SELENOS: variants seen among roughly 807,000 people sequenced by gnomAD.
SELENOS encodes selenoprotein S.
A neutral mutation model predicts 30.2 loss-of-function variants in SELENOS; 37 were observed. The observed-to-expected ratio is 1.23, with a 90% CI of 0.94 to 1.61. The LOEUF is 1.61. SELENOS is among the 40% of genes most tolerant of loss of function. The pLI is 0.00. For missense variants in SELENOS, 289 were observed against 231.8 expected, an observed-to-expected ratio of 1.25 and a Z score of -1.60; for synonymous variants, 119 against 91.6, an observed-to-expected ratio of 1.30 and a Z score of -1.71.
intron 3 of SELENOS, 60 bp from the exon 4 acceptor site, chr15:101,274,741 A>T: frequency 6.8e-7 from 1 of 1,475,910 alleles, no homozygotes; most frequent in Non-Finnish European, 9.2e-7. Flanking sequence ...CTCAAAGACA[A>T]AGCTAACTCT....
At chr15:101,276,449 T>C in intron 2 of SELENOS, 92 bp downstream of exon 2, 3 of 1,389,782 alleles carry the variant, frequency 2.2e-6, no homozygotes, top group Non-Finnish European at 1.9e-6. Flanking sequence ...AGGGTCTTCC[T>C]GTGTGGCCCC....
intron 5 of SELENOS, 149 bp from the exon 6 acceptor site, chr15:101,273,005 T>G: frequency 1.6e-6 from 1 of 620,000 alleles, no homozygotes. Context: ...CTTTTAGCTA[T>G]GTGAAAAAAA....
rs1343586914 is a variant in SELENOS at position 101,272,340 on chromosome 15, A to G, written c.*431T>C. ...ACATAAAAATAAATATACAGAAACA[A>G]ACCCCATCAACTGTCCACATCAGTA... On this transcript the variant is annotated 3_prime_UTR_variant, in exon 6 of 6. Transcript: ENST00000526049. 4 of 154,102 alleles carry G rather than the reference A, an allele frequency of 2.6e-5. No individual in the cohort carries two copies. The highest frequency in any genetic ancestry group is 9.6e-5 in the African/African-American group (4 of 41,528). The allele number at this position is 154,102 out of a possible 1,614,324, so 9.5% of individuals were successfully genotyped here.
At chr15:101,276,405 C>G (rs2039327232) in intron 2 of SELENOS, 136 bp downstream of exon 2, 1 of 1,232,314 alleles carries the variant, frequency 8.1e-7, no homozygotes, top group Non-Finnish European at 1.1e-6. Context: ...CGTGCCGCCA[C>G]TCCCGGCTAT....
At chr15:101,271,652 G>A (rs1242582521), downstream of SELENOS, 3 of 152,140 alleles carry the variant, frequency 2.0e-5, no homozygotes, top group East Asian at 5.8e-4. Context: ...CTACCTGCAG[G>A]AGATAACAAA....
At chr15:101,277,255 G>A in intron 1 of SELENOS, 87 bp downstream of exon 1, 1 of 1,519,406 alleles carries the variant, frequency 6.6e-7, no homozygotes, top group Non-Finnish European at 8.8e-7. Context: ...AGGCTCCGGC[G>A]CCCGGTGCAG....
At chr15:101,277,203 G>C (rs892958995) in intron 1 of SELENOS, 139 bp downstream of exon 1, 18 of 1,400,758 alleles carry the variant, frequency 1.3e-5, no homozygotes, top group Non-Finnish European at 1.7e-5. Context: ...TGCTGCCCAA[G>C]GTCCGCGTAA....
chr15:101,271,099 G>A (rs1436812835), downstream of SELENOS: 1 of 152,142 alleles, frequency 6.6e-6, no homozygotes, highest in Non-Finnish European at 1.5e-5. Flanking sequence ...GGCAGCAAGG[G>A]AGCTGCTCTG....
rs79431964 is a variant in SELENOS, at chr15:101,272,874, C to A, written c.485-18G>T. 9.8e-4 allele frequency: 1,558 copies of A among 1,591,304 alleles called. 15 individuals are homozygous for A. The African/African-American group carries it at 0.018, about 18-fold the overall frequency. On this transcript the variant is annotated intron_variant, in intron 5 of 5. Coordinates refer to ENST00000526049, the MANE Select transcript of SELENOS (RefSeq NM_018445.6). ...GTTATAACCTGGGAGGACAGAAAAG[C>A]AGCACAACAGTATTGATAAAAATCT...
At position 101,275,373 on chromosome 15, in the gene SELENOS, G is replaced by T; in HGVS notation, c.212-12C>A. Reference sequence around the variant, plus strand: ...AACAACATCAGGTTCTAAAATGTCAGAAAAAAATGGAGATAAAGCACTGTG... The same window carrying T: ...AACAACATCAGGTTCTAAAATGTCATAAAAAAATGGAGATAAAGCACTGTG... On this transcript the variant is annotated splice_polypyrimidine_tract_variant and intron_variant, in intron 2 of 5. Coordinates refer to ENST00000526049, the MANE Select transcript of SELENOS (RefSeq NM_018445.6). 1 of 1,538,176 alleles carries T rather than the reference G, an allele frequency of 6.5e-7. No homozygotes were observed. Among genetic ancestry groups the T allele is most frequent in the East Asian group, 2.4e-5 (1 of 42,502 alleles).
chr15:101,277,250 C>G (rs1185227587), intron 1 of SELENOS, 92 bp downstream of exon 1: 1 of 1,521,608 alleles, frequency 6.6e-7, no homozygotes, highest in Non-Finnish European at 8.8e-7. Flanking sequence ...CTCCCAGGCT[C>G]CGGCGCCCGG....
At position 101,275,374 on chromosome 15, in the gene SELENOS, A is replaced by G; in HGVS notation, c.212-13T>C. On this transcript the variant is annotated splice_polypyrimidine_tract_variant and intron_variant, in intron 2 of 5. Transcript: ENST00000526049. ...ACAACATCAGGTTCTAAAATGTCAGAAAAAAATGGAGATAAAGCACTGTGT... is the reference window on the plus strand; with the variant it reads ...ACAACATCAGGTTCTAAAATGTCAGGAAAAAATGGAGATAAAGCACTGTGT... 2.6e-6 allele frequency: 4 copies of G among 1,542,114 alleles called. No homozygotes were observed. The Admixed American group carries it at 6.5e-5, about 25-fold the overall frequency.
intron 1 of SELENOS, 47 bp from the exon 2 acceptor site, chr15:101,276,722 T>C: frequency 6.3e-7 from 1 of 1,585,774 alleles, no homozygotes; most frequent in African/African-American, 1.4e-5. Flanking sequence ...ACACTACTAG[T>C]TGACCTTTCC....
chr15:101,276,814 A>T, intron 1 of SELENOS, 139 bp from the exon 2 acceptor site: 1 of 1,010,150 alleles, frequency 9.9e-7, no homozygotes, highest in Non-Finnish European at 1.4e-6. Flanking sequence ...TCCTAAGTAG[A>T]TCGTTAAAAC....
downstream of SELENOS, among the ~76,000 whole-genome samples, chr15:101,272,012 G>A (rs2039273111): frequency 1.3e-5 from 2 of 152,198 alleles, no homozygotes; most frequent in African/African-American, 2.4e-5. Context: ...GTCAGCCTAT[G>A]AGGAACCTTG....
chr15:101,275,829 G>A (rs751414795), intron 2 of SELENOS, among the ~76,000 whole-genome samples: 11 of 150,136 alleles, frequency 7.3e-5, no homozygotes, highest in Non-Finnish European at 1.3e-4. Flanking sequence ...CTTCCAAATA[G>A]CATTATGAAT....
intron 5 of SELENOS, 103 bp downstream of exon 5, chr15:101,274,317 G>C: frequency 7.6e-7 from 1 of 1,322,770 alleles, no homozygotes; most frequent in Non-Finnish European, 1.1e-6. Context: ...TAAGGAATTA[G>C]TCTTAATTTA....
chr15:101,276,255 T>C (rs897676114), intron 2 of SELENOS, among the ~76,000 whole-genome samples: 1 of 149,784 alleles, frequency 6.7e-6, no homozygotes, highest in African/African-American at 2.5e-5. Flanking sequence ...TTTTTTTTTT[T>C]TTTTTTTTAA....
downstream of SELENOS, chr15:101,271,511 G>A (rs537490063): frequency 6.6e-5 from 10 of 152,298 alleles, no homozygotes; most frequent in Admixed American, 2.0e-4. Flanking sequence ...CAACCTATTT[G>A]TTTGTAATTA....
Sources: allele counts gnomAD v4.1 joint callset (sites outside exome capture counted in the v4.1 genomes callset), GRCh38; gene constraint gnomAD v4.1.1; transcripts MANE v1.5; gene names NCBI Gene and HGNC (gene_info 2026-07-23, HGNC 2026-07-21).